Variants in KCNAB1 observed in about 807,000 individuals in gnomAD.
KCNAB1 encodes voltage-gated potassium channel subunit beta-1.
A neutral mutation model predicts 64.6 loss-of-function variants in KCNAB1; 35 were observed. The ratio of observed to expected loss-of-function variants is 0.54; its 90% CI spans 0.41 to 0.72. The LOEUF is 0.72. KCNAB1 is among the 30% of genes least tolerant of loss of function. The pLI is 0.00. For synonymous variants in KCNAB1, 177 were observed against 183.8 expected, an observed-to-expected ratio of 0.96 and a Z score of 0.30; for missense variants, 401 against 512.9, an observed-to-expected ratio of 0.78 and a Z score of 2.11.
At chr3:156,506,576 G>A (rs1716849930) in intron 8 of KCNAB1, among the ~76,000 whole-genome samples, 1 of 152,200 alleles carries the variant, frequency 6.6e-6, no homozygotes, top group Admixed American at 6.5e-5. Context: ...ACAGGGTGGA[G>A]GAAAATGCAT....
At chr3:156,292,040 A>G in intron 1 of KCNAB1, 6 of 1,614,156 alleles carry the variant, frequency 3.7e-6, no homozygotes, top group Non-Finnish European at 5.1e-6. Flanking sequence ...CACGGTCGCT[A>G]TCATCGCGCG....
intron 1 of KCNAB1, among the ~76,000 whole-genome samples, chr3:156,279,356 C>G (rs1364135872): frequency 6.6e-6 from 1 of 152,000 alleles, no homozygotes; most frequent in East Asian, 1.9e-4. Flanking sequence ...TTTCTTAATC[C>G]CGTCTATCAT....
intron 1 of KCNAB1, among the ~76,000 whole-genome samples, chr3:156,150,682 A>C (rs1156459450): frequency 1.3e-5 from 2 of 152,196 alleles, no homozygotes; most frequent in Non-Finnish European, 2.9e-5. Flanking sequence ...CTATTTCATA[A>C]AGAAAAGGAA....
intron 1 of KCNAB1, among the ~76,000 whole-genome samples, chr3:156,136,733 A>C (rs965367936): frequency 1.3e-5 from 2 of 152,240 alleles, no homozygotes; most frequent in African/African-American, 4.8e-5. Context: ...GCACTTTTGC[A>C]CATCTGGGCC....
At chr3:156,464,960 A>G (rs975332209) in intron 6 of KCNAB1, among the ~76,000 whole-genome samples, 7 of 152,200 alleles carry the variant, frequency 4.6e-5, no homozygotes, top group African/African-American at 1.7e-4. Flanking sequence ...ACCAAATAAG[A>G]ATACATTCAC....
intron 12 of KCNAB1, 42 bp downstream of exon 12, chr3:156,523,989 G>C (rs747366295): frequency 6.3e-7 from 1 of 1,586,250 alleles, no homozygotes; most frequent in Non-Finnish European, 8.6e-7. Context: ...AGGGACTTCT[G>C]CTGAGATCAT....
chr3:156,231,273 T>G (rs1227681838), intron 1 of KCNAB1, among the ~76,000 whole-genome samples: 1 of 152,176 alleles, frequency 6.6e-6, no homozygotes, highest in East Asian at 1.9e-4. Context: ...GGGAGTCATG[T>G]CCTACAAACC....
chr3:156,120,732 A>G lies in KCNAB1; in HGVS notation c.121A>G (p.Asn41Asp), dbSNP rs1430057779. The change falls in exon 1 of 14, where the codon AAC becomes GAC. Residue 41 changes from asparagine (N) to aspartate (D), a missense_variant. Asn to Asp is a conservative substitution (Grantham distance 23). Coordinates refer to ENST00000490337, the MANE Select transcript of KCNAB1 (RefSeq NM_172160.3). ...CAAATCTCCCAAGAAAGCCTCAGAA[A>G]ACGCTAAAGACAGCAGCCTTAGTCC... ...KDKSPKKASE[N>D]AKDSSLSPSG... The G allele has an allele frequency of 2.5e-6, 4 of 1,614,130 alleles. No homozygotes were observed. The South Asian group carries it at 3.3e-5, about 13-fold the overall frequency.
intron 1 of KCNAB1, among the ~76,000 whole-genome samples, chr3:156,338,089 G>A (rs1406473097): frequency 6.6e-6 from 1 of 152,040 alleles, no homozygotes; most frequent in Non-Finnish European, 1.5e-5. Flanking sequence ...TGAGGGGATG[G>A]TCCAACTCTC....
intron 3 of KCNAB1, among the ~76,000 whole-genome samples, chr3:156,453,589 C>A (rs891988161): frequency 1.6e-4 from 24 of 152,172 alleles, no homozygotes; most frequent in Non-Finnish European, 2.5e-4. Flanking sequence ...TTTAGATCAT[C>A]ATTTGCACAG....
At chr3:156,469,574 T>C (rs1051011871) in intron 7 of KCNAB1, among the ~76,000 whole-genome samples, 20 of 152,306 alleles carry the variant, frequency 1.3e-4, no homozygotes, top group African/African-American at 4.6e-4. Context: ...CACCTTTAAA[T>C]AAGTCAGGAA....
intron 8 of KCNAB1, among the ~76,000 whole-genome samples, chr3:156,482,233 G>A (rs1390065463): frequency 6.6e-6 from 1 of 151,244 alleles, no homozygotes; most frequent in Non-Finnish European, 1.5e-5. Flanking sequence ...TCTTGTGCCT[G>A]TGACTTTATT....
intron 2 of KCNAB1, chr3:156,441,366 A>T (rs4680272): frequency 0.66 from 100,819 of 151,944 alleles, 33,779 homozygotes; most frequent in East Asian, 0.76. Context: ...ATAAAAGAGG[A>T]CACATTGACT....
intron 8 of KCNAB1, among the ~76,000 whole-genome samples, chr3:156,478,891 G>C (rs1714577732): frequency 6.6e-6 from 1 of 152,040 alleles, no homozygotes; most frequent in Admixed American, 6.6e-5. Context: ...CCTCTCAAAA[G>C]AATGGCTGTA....
intron 1 of KCNAB1, chr3:156,143,569 G>GTTTTTTTGTTTTTTTTTTTTT (rs1553807970): frequency 3.6e-6 from 1 of 281,598 alleles, no homozygotes. Flanking sequence ...TTGCATTCTT[G>GTTTTTTTGTTTTTTTTTTTTT]TTTTTTTTTT....
At chr3:156,271,253 A>G (rs1478512023) in intron 1 of KCNAB1, among the ~76,000 whole-genome samples, 2 of 151,900 alleles carry the variant, frequency 1.3e-5, no homozygotes, top group African/African-American at 2.4e-5. Flanking sequence ...GTTATTTGTT[A>G]TTATCCCTTT....
intron 1 of KCNAB1, among the ~76,000 whole-genome samples, chr3:156,331,124 G>C (rs1723299866): frequency 1.3e-5 from 2 of 152,118 alleles, no homozygotes. Context: ...TCAGTCACTG[G>C]AAACCTGCTC....
At chr3:156,316,998 GA>G (rs1722318691) in intron 1 of KCNAB1, among the ~76,000 whole-genome samples, 1 of 152,172 alleles carries the variant, frequency 6.6e-6, no homozygotes, top group African/African-American at 2.4e-5. Flanking sequence ...TGAGAGAAAT[GA>G]CTAGCACAGG....
At chr3:156,264,769 G>A (rs79653533) in intron 1 of KCNAB1, among the ~76,000 whole-genome samples, 1 of 152,022 alleles carries the variant, frequency 6.6e-6, no homozygotes, top group Admixed American at 6.6e-5. Context: ...TCATGCAATG[G>A]TATGTCTTTT....
Sources: gnomAD v4.1 joint callset for allele counts (sites outside exome capture counted in the v4.1 genomes callset) on GRCh38, gnomAD v4.1.1 for gene constraint, MANE v1.5 for transcripts, NCBI Gene and HGNC (gene_info 2026-07-23, HGNC 2026-07-21) for gene names.